OSBPL9: variants seen among roughly 807,000 people sequenced by gnomAD.
OSBPL9 encodes the protein oxysterol binding protein like 9.
Under a neutral mutation model 106.6 loss-of-function variants are expected in OSBPL9, and 40 were observed. The observed-to-expected ratio is 0.38, with a 90% CI of 0.29 to 0.49. The LOEUF is 0.49. Ranked by LOEUF, OSBPL9 falls within the 20% of genes least tolerant of loss-of-function variation. The pLI is 0.97. For synonymous variants in OSBPL9, 269 were observed against 295.4 expected, an observed-to-expected ratio of 0.91 and a Z score of 0.92; for missense variants, 609 against 887.2, an observed-to-expected ratio of 0.69 and a Z score of 3.98.
At chr1:51,529,906 T>C in the OSBPL9 span, among the ~76,000 whole-genome samples, 2 of 151,652 alleles carry the variant, frequency 1.3e-5, no homozygotes, top group African/African-American at 4.9e-5. Context: ...GTGCGGTGGC[T>C]CACGCCTGTA....
chr1:51,596,640 C>A (rs1242385765), intron 1 of OSBPL9, among the ~76,000 whole-genome samples: 1 of 150,568 alleles, frequency 6.6e-6, no homozygotes, highest in Non-Finnish European at 1.5e-5. Context: ...ATTAGCCAGG[C>A]ATGGTGGCAT....
intron 3 of OSBPL9, among the ~76,000 whole-genome samples, chr1:51,708,599 G>T (rs751505711): frequency 1.2e-4 from 18 of 152,062 alleles, no homozygotes; most frequent in Non-Finnish European, 1.9e-4. Context: ...TAAAGCCTTT[G>T]TATTTTAATT....
intron 1 of OSBPL9, among the ~76,000 whole-genome samples, chr1:51,627,318 T>C (rs1190167618): frequency 6.6e-6 from 1 of 152,142 alleles, no homozygotes; most frequent in Non-Finnish European, 1.5e-5. Flanking sequence ...TTTTTTAATA[T>C]GGAATGAGGT....
intron 12 of OSBPL9, among the ~76,000 whole-genome samples, chr1:51,768,118 T>A (rs556013929): frequency 1.3e-3 from 194 of 152,062 alleles, no homozygotes; most frequent in African/African-American, 4.3e-3. Context: ...GTTTTTTGTA[T>A]TTTTAGTAGA....
the OSBPL9 span, among the ~76,000 whole-genome samples, chr1:51,529,222 T>G: frequency 0.032 from 4,810 of 152,136 alleles, 120 homozygotes; most frequent in East Asian, 0.13. Flanking sequence ...AGAACAAATT[T>G]GGAAGACTCA....
At chr1:51,596,153 G>A (rs1430658644) in intron 1 of OSBPL9, among the ~76,000 whole-genome samples, 1 of 151,408 alleles carries the variant, frequency 6.6e-6, no homozygotes, top group Non-Finnish European at 1.5e-5. Flanking sequence ...AGCTACTTGG[G>A]GAGGCTGAAG....
intron 4 of OSBPL9, among the ~76,000 whole-genome samples, chr1:51,718,364 C>T (rs940825852): frequency 4.6e-5 from 7 of 152,086 alleles, no homozygotes; most frequent in Admixed American, 1.3e-4. Flanking sequence ...TAGATTGTAA[C>T]ACAAAAGATA....
intron 2 of OSBPL9, among the ~76,000 whole-genome samples, chr1:51,611,941 C>T (rs1643991145): frequency 6.6e-6 from 1 of 152,200 alleles, no homozygotes; most frequent in Admixed American, 6.5e-5. Context: ...CGCTACTGCA[C>T]TCTAGCCTGG....
At chr1:51,635,099 T>C (rs1460260472) in intron 1 of OSBPL9, among the ~76,000 whole-genome samples, 1 of 152,192 alleles carries the variant, frequency 6.6e-6, no homozygotes, top group Non-Finnish European at 1.5e-5. Context: ...CGTCTTGTTA[T>C]GCAGGAGAAA....
In OSBPL9 at chr1:51,752,658, G is replaced by A. The variant is rs891033586; in HGVS notation, c.543+2463G>A. ...AAGTCCAAGATCAACATTCTGGCCTGTTCAGTTTCTGATGAGGGTCCTTCT... is the reference window on the plus strand; with the variant it reads ...AAGTCCAAGATCAACATTCTGGCCTATTCAGTTTCTGATGAGGGTCCTTCT... On this transcript the variant is annotated intron_variant, in intron 8 of 23. Coordinates refer to ENST00000428468, the MANE Select transcript of OSBPL9 (RefSeq NM_024586.6). 1.4e-4 allele frequency: 58 copies of A among 420,806 alleles called. No homozygotes were observed. The Admixed American group carries it at 1.5e-3, about 11-fold the overall frequency. The allele number at this position is 420,806 out of a possible 1,614,324, so 26.1% of individuals were successfully genotyped here.
At chr1:51,574,629 T>C (rs1001272985), upstream of OSBPL9, among the ~76,000 whole-genome samples, 1 of 150,898 alleles carries the variant, frequency 6.6e-6, no homozygotes, top group Non-Finnish European at 1.5e-5. Flanking sequence ...AAAAAAAAAA[T>C]AATAATAAAG....
the OSBPL9 span, among the ~76,000 whole-genome samples, chr1:51,564,589 T>C: frequency 1.3e-5 from 2 of 152,346 alleles, no homozygotes; most frequent in South Asian, 4.1e-4. Flanking sequence ...GGCAGTTTGC[T>C]TTGGTTGTGA....
intron 11 of OSBPL9, 137 bp downstream of exon 11, chr1:51,762,108 T>C (rs1671643293): frequency 1.7e-6 from 1 of 600,336 alleles, no homozygotes; most frequent in African/African-American, 1.8e-5. Context: ...GTTTTAACAT[T>C]ATAGTTCCAT....
intron 1 of OSBPL9, among the ~76,000 whole-genome samples, chr1:51,596,432 A>G (rs1033633734): frequency 1.3e-5 from 2 of 150,520 alleles, no homozygotes; most frequent in African/African-American, 4.9e-5. Flanking sequence ...GGTGGATCAC[A>G]CCTGTAATAC....
intron 2 of OSBPL9, among the ~76,000 whole-genome samples, chr1:51,652,953 C>G (rs1472453931): frequency 1.3e-5 from 2 of 152,136 alleles, no homozygotes; most frequent in Non-Finnish European, 2.9e-5. Context: ...ACCTTTTTTT[C>G]TGCATCCTTA....
chr1:51,626,145 T>C (rs1005182386), intron 1 of OSBPL9, among the ~76,000 whole-genome samples: 1 of 152,210 alleles, frequency 6.6e-6, no homozygotes, highest in South Asian at 2.1e-4. Context: ...CTCAATCCTC[T>C]TCTTTCCTCC....
intron 2 of OSBPL9, among the ~76,000 whole-genome samples, chr1:51,663,449 G>C (rs1382074888): frequency 1.3e-5 from 2 of 151,946 alleles, no homozygotes; most frequent in Non-Finnish European, 2.9e-5. Flanking sequence ...GCCCCTTTGG[G>C]GATGGCTGGC....
At chr1:51,637,398 G>A (rs1645516076) in intron 1 of OSBPL9, among the ~76,000 whole-genome samples, 1 of 151,518 alleles carries the variant, frequency 6.6e-6, no homozygotes, top group Non-Finnish European at 1.5e-5. Flanking sequence ...GCTGAGGCAG[G>A]AGAATCAGAG....
intron 1 of OSBPL9, among the ~76,000 whole-genome samples, chr1:51,631,841 CCCAACTGCCATAATTTT>C (rs1645125996): frequency 6.6e-6 from 1 of 152,178 alleles, no homozygotes; most frequent in Non-Finnish European, 1.5e-5. Flanking sequence ...ATCAGGTCTC[CCCAACTGCCATAATTTT>C]CTCACTGATA....
Sources: allele counts gnomAD v4.1 joint callset (sites outside exome capture counted in the v4.1 genomes callset), GRCh38; gene constraint gnomAD v4.1.1; transcripts MANE v1.5; gene names NCBI Gene and HGNC (gene_info 2026-07-23, HGNC 2026-07-21).